ERCC6: variants seen among roughly 807,000 people sequenced by gnomAD.
ERCC6 encodes DNA excision repair protein ERCC-6.
Under a neutral mutation model 158.7 loss-of-function variants are expected in ERCC6, and 116 were observed. The observed-to-expected ratio is 0.73, with a 90% CI of 0.63 to 0.85. The LOEUF is 0.85. ERCC6 is among the 40% of genes least tolerant of loss of function. ERCC6 has a pLI of 0.00. For synonymous variants in ERCC6, 678 were observed against 659.3 expected, an observed-to-expected ratio of 1.03 and a Z score of -0.43; for missense variants, 1,698 against 1,799.4, an observed-to-expected ratio of 0.94 and a Z score of 1.02.
intron 5 of ERCC6, chr10:49,515,546 A>T: frequency 6.2e-7 from 1 of 1,614,162 alleles, no homozygotes; most frequent in South Asian, 1.1e-5. Flanking sequence ...GGGTCTCCAG[A>T]TAATGGCATA....
Position 49,454,529 on chromosome 10 carries a change from G to A in ERCC6, c.*4286C>T, listed in dbSNP as rs1850455652. On this transcript the variant is annotated 3_prime_UTR_variant, in exon 21 of 21. Coordinates refer to ENST00000355832, the MANE Select transcript of ERCC6 (RefSeq NM_000124.4). ...ACATGCTTTTAGGACAATTTCCAGTGGCATTAAGTGTTTGTGTCTCTCTGT... is the reference window on the plus strand; with the variant it reads ...ACATGCTTTTAGGACAATTTCCAGTAGCATTAAGTGTTTGTGTCTCTCTGT... Among the ~76,000 whole-genome samples, 1 of 152,106 alleles carries A rather than the reference G, an allele frequency of 6.6e-6. No individual in the cohort carries two copies. Among genetic ancestry groups the A allele is most frequent in the East Asian group, 1.9e-4 (1 of 5,194 alleles).
chr10:49,478,344 A>G lies in ERCC6; in HGVS notation c.2286+10T>C, dbSNP rs754022718. The stretch of plus-strand genomic sequence containing the variant: ...TTAGGAATGCTTCGTTAACTCCTGG[A>G]TTTACAGACCTGTTCATTTTTATCT... On this transcript the variant is annotated intron_variant, in intron 11 of 20. Coordinates refer to ENST00000355832, the MANE Select transcript of ERCC6 (RefSeq NM_000124.4). 4 of 1,552,682 alleles carry G rather than the reference A, an allele frequency of 2.6e-6. No homozygotes were observed. The highest frequency in any genetic ancestry group is 3.6e-6 in the Non-Finnish European group (4 of 1,124,100).
In ERCC6 at chr10:49,455,132, A is replaced by G. The variant is rs574722582; in HGVS notation, c.*3683T>C. ...ATATGTGAATATGCTAATTCTCCATATTTTTATGTAAGTTAAAAGACTCAC... is the reference window on the plus strand; with the variant it reads ...ATATGTGAATATGCTAATTCTCCATGTTTTTATGTAAGTTAAAAGACTCAC... On this transcript the variant is annotated 3_prime_UTR_variant, in exon 21 of 21. Transcript: ENST00000355832. Among the ~76,000 whole-genome samples the G allele has an allele frequency of 1.3e-5, 2 of 152,286 alleles. No individual in the cohort carries two copies. The highest frequency in any genetic ancestry group is 3.9e-4 in the East Asian group (2 of 5,192).
intron 5 of ERCC6, among the ~76,000 whole-genome samples, chr10:49,507,689 A>G (rs1024065820): frequency 6.6e-6 from 1 of 152,176 alleles, no homozygotes; most frequent in African/African-American, 2.4e-5. Flanking sequence ...GGGTAATCTG[A>G]CAATGCCCAG....
intron 5 of ERCC6, among the ~76,000 whole-genome samples, chr10:49,510,256 TTTAAAG>T (rs1192954514): frequency 1.3e-5 from 2 of 152,118 alleles, no homozygotes; most frequent in Non-Finnish European, 2.9e-5. Flanking sequence ...GTTGCTGCCA[TTTAAAG>T]TTAATTTATT....
intron 18 of ERCC6, among the ~76,000 whole-genome samples, chr10:49,467,259 AAAAG>A (rs1443928870): frequency 6.6e-6 from 1 of 152,202 alleles, no homozygotes; most frequent in Non-Finnish European, 1.5e-5. Context: ...CCAGGACTGA[AAAAG>A]CTATATCACA....
intron 18 of ERCC6, among the ~76,000 whole-genome samples, chr10:49,465,054 A>G (rs1850649915): frequency 6.6e-6 from 1 of 152,206 alleles, no homozygotes; most frequent in Admixed American, 6.5e-5. Flanking sequence ...TGCACCATGC[A>G]CCTGGAAAGG....
downstream of ERCC6, among the ~76,000 whole-genome samples, chr10:49,449,601 C>T (rs1850396456): frequency 8.7e-6 from 1 of 114,470 alleles, no homozygotes; most frequent in African/African-American, 3.4e-5. Context: ...CAGAGTCTCA[C>T]TCTGTCACCC....
At chr10:49,494,601 C>G (rs1851233843) in intron 7 of ERCC6, among the ~76,000 whole-genome samples, 1 of 152,132 alleles carries the variant, frequency 6.6e-6, no homozygotes, top group Non-Finnish European at 1.5e-5. Flanking sequence ...TTATGGGACT[C>G]TGACCACTGC....
chr10:49,530,988 C>A, intron 2 of ERCC6, 148 bp from the exon 3 acceptor site: 1 of 1,161,120 alleles, frequency 8.6e-7, no homozygotes. Context: ...CCCTTATTGG[C>A]CACAAATAAA....
rs1419614131 is a variant in ERCC6 at position 49,454,524 on chromosome 10, C to T, written c.*4291G>A. Among the ~76,000 whole-genome samples the T allele has an allele frequency of 6.6e-6, 1 of 152,128 alleles. No homozygotes were observed. Among genetic ancestry groups the T allele is most frequent in the East Asian group, 1.9e-4 (1 of 5,200 alleles). On this transcript the variant is annotated 3_prime_UTR_variant, in exon 21 of 21. Coordinates refer to ENST00000355832, the MANE Select transcript of ERCC6 (RefSeq NM_000124.4). ...ATTCTACATGCTTTTAGGACAATTTCCAGTGGCATTAAGTGTTTGTGTCTC... is the reference window on the plus strand; with the variant it reads ...ATTCTACATGCTTTTAGGACAATTTTCAGTGGCATTAAGTGTTTGTGTCTC...
At chr10:49,514,763 G>A (rs1836897675) in intron 5 of ERCC6, among the ~76,000 whole-genome samples, 1 of 152,124 alleles carries the variant, frequency 6.6e-6, no homozygotes, top group African/African-American at 2.4e-5. Context: ...GCACCAAGCT[G>A]GGTATTTAAT....
chr10:49,513,613 A>G (rs1274657726), intron 5 of ERCC6, among the ~76,000 whole-genome samples: 1 of 152,150 alleles, frequency 6.6e-6, no homozygotes, highest in East Asian at 1.9e-4. Flanking sequence ...GGTGAAGGGC[A>G]CCTTCTTCAC....
intron 2 of ERCC6, among the ~76,000 whole-genome samples, chr10:49,531,695 C>T (rs979726893): frequency 1.3e-5 from 2 of 152,218 alleles, no homozygotes; most frequent in African/African-American, 4.8e-5. Context: ...GCCAAAAGAA[C>T]ACACCAGGGA....
chr10:49,514,236 A>G (rs1564435313), intron 5 of ERCC6, among the ~76,000 whole-genome samples: 1 of 152,182 alleles, frequency 6.6e-6, no homozygotes, highest in Admixed American at 6.5e-5. Flanking sequence ...AGTAAGTCAA[A>G]ACTCACTCTT....
rs140876119 is a variant in ERCC6 at position 49,528,439 on chromosome 10, G to A, written c.630C>T (p.His210=). 5.6e-5 allele frequency: 91 copies of A among 1,614,154 alleles called. No homozygotes were observed. The South Asian group carries it at 7.0e-4, about 12-fold the overall frequency. ...GGAEVKIELD[H]ASLEEDAEPG... ...CACCTGCATCCTCCTCCAGACTGGC[G>A]TGATCTAGTTCAATTTTCACCTCTG... Residue 210 remains histidine, a synonymous_variant, in exon 4 of 21, where the codon CAC becomes CAT. Coordinates refer to ENST00000355832, the MANE Select transcript of ERCC6 (RefSeq NM_000124.4).
At chr10:49,465,568 C>T (rs1385194193) in intron 18 of ERCC6, among the ~76,000 whole-genome samples, 3 of 152,130 alleles carry the variant, frequency 2.0e-5, no homozygotes, top group Admixed American at 2.0e-4. Flanking sequence ...AGCCAAATCT[C>T]ATCTTGAATT....
chr10:49,500,330 C>A (rs573202726), intron 7 of ERCC6, among the ~76,000 whole-genome samples: 1 of 152,226 alleles, frequency 6.6e-6, no homozygotes, highest in South Asian at 2.1e-4. Context: ...GCCTGGAATT[C>A]ATTAAAAGTG....
At chr10:49,460,301 ATCAGG>A (rs1412870450) in intron 20 of ERCC6, 67 bp downstream of exon 20, 2 of 1,061,664 alleles carry the variant, frequency 1.9e-6, no homozygotes, top group African/African-American at 3.1e-5. Context: ...CACATCCAGA[ATCAGG>A]TGAAATTTTC....
Sources: allele counts gnomAD v4.1 joint callset (sites outside exome capture counted in the v4.1 genomes callset), GRCh38; gene constraint gnomAD v4.1.1; transcripts MANE v1.5; gene names NCBI Gene and HGNC (gene_info 2026-07-23, HGNC 2026-07-21).